The following GRK6 variants were observed in gnomAD, a reference collection of about 807,000 sequenced individuals.
GRK6 encodes G protein-coupled receptor kinase 6.
Under a neutral mutation model 80.8 loss-of-function variants are expected in GRK6, and 37 were observed. The observed-to-expected ratio is 0.46, with a 90% CI of 0.35 to 0.60. The LOEUF (loss-of-function observed/expected upper bound fraction) is 0.60, where lower values mean the gene tolerates loss of function less well. Ranked by LOEUF, GRK6 falls within the 20% of genes least tolerant of loss-of-function variation. The pLI, the probability that GRK6 is intolerant of heterozygous loss-of-function variation, is 0.00. For missense variants in GRK6, 560 were observed against 784.6 expected (o/e 0.71, Z 3.42); for synonymous variants, 295 against 320.9 (o/e 0.92, Z 0.86).
In GRK6 at chr5:177,441,843, C is replaced by T. The variant is rs1183056571; in HGVS notation, c.*53C>T. On this transcript the variant is annotated 3_prime_UTR_variant, in exon 16 of 16. Coordinates refer to ENST00000355472, the MANE Select transcript of GRK6 (RefSeq NM_001004106.3). ...TTGGCGGTAGCAGCTACTCCGAGCG[C>T]CGTTTACAGTTTTGCACAGTGATCT... The T allele has an allele frequency of 6.4e-7, 1 of 1,551,258 alleles. No individual in the cohort carries two copies. Among genetic ancestry groups the T allele is most frequent in the Non-Finnish European group, 8.9e-7 (1 of 1,125,336 alleles).
intron 13 of GRK6, among the ~76,000 whole-genome samples, chr5:177,437,552 A>T (rs1302742209): frequency 6.6e-6 from 1 of 152,152 alleles, no homozygotes; most frequent in African/African-American, 2.4e-5. Context: ...AGTATCCTCT[A>T]GTTGTCAGAG....
intron 15 of GRK6, 23 bp from the exon 16 acceptor site, chr5:177,441,714 C>A (rs1182301156): frequency 1.3e-6 from 2 of 1,591,276 alleles, no homozygotes; most frequent in East Asian, 2.2e-5. Flanking sequence ...CTCCCTCCCT[C>A]CGTGTCTTCC....
rs190078220 is a variant in GRK6, at chr5:177,432,226, C to G, written c.262-7C>G. On this transcript the variant is annotated splice_region_variant and splice_polypyrimidine_tract_variant and intron_variant, in intron 3 of 15. Coordinates refer to ENST00000355472, the MANE Select transcript of GRK6 (RefSeq NM_001004106.3). ...GACCTCCAGCTTCTTTGCTTTCCACCCTGCAGGCCGAGTATGAAGTGACCC... is the reference window on the plus strand; with the variant it reads ...GACCTCCAGCTTCTTTGCTTTCCACGCTGCAGGCCGAGTATGAAGTGACCC... 28 of 1,613,770 alleles carry G rather than the reference C, an allele frequency of 1.7e-5. No individual in the cohort carries two copies. Among genetic ancestry groups the G allele is most frequent in the Non-Finnish European group, 2.2e-5 (26 of 1,179,990 alleles).
Position 177,428,439 on chromosome 5 carries a change from CTTTT to C in GRK6, c.52+1547_52+1550del, listed in dbSNP as rs1268094399. Among the ~76,000 whole-genome samples, 1 of 152,066 alleles carries C rather than the reference CTTTT, an allele frequency of 6.6e-6. No homozygotes were observed. The highest frequency in any genetic ancestry group is 2.1e-4 in the South Asian group (1 of 4,832). On this transcript the variant is annotated intron_variant, in intron 1 of 15. Coordinates refer to ENST00000355472, the MANE Select transcript of GRK6 (RefSeq NM_001004106.3). This position sits in a 1 kb window ranked among gnomAD's most constrained non-coding sequence, Gnocchi z 4.1. ...GGCTCTGCCCCTCCCACCTGCATGG[CTTTT>C]TTTTGAGACAGAGTCTCACTGTGTC...
intron 15 of GRK6, 148 bp from the exon 16 acceptor site, chr5:177,441,589 C>A: frequency 1.3e-6 from 1 of 756,030 alleles, no homozygotes; most frequent in Non-Finnish European, 2.4e-6. Context: ...CTGCTCCAGG[C>A]TCCTTGTGGA....
At chr5:177,434,831 T>TG (rs1343763044) in intron 9 of GRK6, 71 bp from the exon 10 acceptor site, 34 of 1,572,588 alleles carry the variant, frequency 2.2e-5, no homozygotes, top group South Asian at 3.3e-5. Context: ...GCGAGTGAGC[T>TG]GGGGGGGCTG....
chr5:177,429,578 G>T lies in GRK6; in HGVS notation c.53-1294G>T, dbSNP rs1269762307. Among the ~76,000 whole-genome samples the T allele has an allele frequency of 1.3e-5, 2 of 152,164 alleles. No individual in the cohort carries two copies. The highest frequency in any genetic ancestry group is 4.8e-5 in the African/African-American group (2 of 41,440). On this transcript the variant is annotated intron_variant, in intron 1 of 15. Coordinates refer to ENST00000355472, the MANE Select transcript of GRK6 (RefSeq NM_001004106.3). The surrounding 1 kb of genome is among the most constrained non-coding windows in gnomAD (Gnocchi z 4.3). ...GGAGGCCTCTAGCAAGTTTCTCAATGGGCCCCTGCAGTACTTCCTTCTCCA... is the reference window on the plus strand; with the variant it reads ...GGAGGCCTCTAGCAAGTTTCTCAATTGGCCCCTGCAGTACTTCCTTCTCCA...
chr5:177,432,600 T>C, intron 4 of GRK6, 106 bp from the exon 5 acceptor site: 1 of 825,584 alleles, frequency 1.2e-6, no homozygotes, highest in Non-Finnish European at 1.9e-6. Flanking sequence ...CACCCTGGCC[T>C]GCAGCCTCTC....
Position 177,429,384 on chromosome 5 carries a change from G to C in GRK6, c.53-1488G>C, listed in dbSNP as rs183094333. ...GCTGCTGCCTTGATGTGGCTGGGAGGGGGGAGGAGGAAGTAACTGAGGGTG... is the reference window on the plus strand; with the variant it reads ...GCTGCTGCCTTGATGTGGCTGGGAGCGGGGAGGAGGAAGTAACTGAGGGTG... On this transcript the variant is annotated intron_variant, in intron 1 of 15. Transcript: ENST00000355472. This position sits in a 1 kb window ranked among gnomAD's most constrained non-coding sequence, Gnocchi z 4.3. Among the ~76,000 whole-genome samples the C allele has an allele frequency of 3.3e-5, 5 of 152,128 alleles. No individual in the cohort carries two copies. The highest frequency in any genetic ancestry group is 9.7e-5 in the African/African-American group (4 of 41,416).
At chr5:177,432,349 G>C in intron 4 of GRK6, 39 bp downstream of exon 4, 1 of 1,587,384 alleles carries the variant, frequency 6.3e-7, no homozygotes, top group Non-Finnish European at 8.6e-7. Context: ...GGAGCCACCA[G>C]AGCCCCGTGT....
chr5:177,428,079 A>C lies in GRK6; in HGVS notation c.52+1182A>C, dbSNP rs1352792880. 1.3e-5 allele frequency among the ~76,000 whole-genome samples: 2 copies of C among 152,184 alleles called. No homozygotes were observed. Among genetic ancestry groups the C allele is most frequent in the Admixed American group, 1.3e-4 (2 of 15,280 alleles). On this transcript the variant is annotated intron_variant, in intron 1 of 15. Transcript: ENST00000355472. The surrounding 1 kb of genome is among the most constrained non-coding windows in gnomAD (Gnocchi z 4.1). ...TGGCGAGGTGCAGCCCAGAAATGGCATGGCAGGCTGGGTCCTCATTGCCTG... is the reference window on the plus strand; with the variant it reads ...TGGCGAGGTGCAGCCCAGAAATGGCCTGGCAGGCTGGGTCCTCATTGCCTG...
rs750262249 is a variant in GRK6, at chr5:177,426,810, C to G, written c.-36C>G. ...GGCACTCGCGCGCGATCCCGGCCGG[C>G]GGCGCGGCCCGGCGGGCCAGGCGGC... On this transcript the variant is annotated 5_prime_UTR_variant, in exon 1 of 16. Transcript: ENST00000355472. 1 of 1,145,770 alleles carries G rather than the reference C, an allele frequency of 8.7e-7. No individual in the cohort carries two copies. The highest frequency in any genetic ancestry group is 4.0e-5 in the South Asian group (1 of 24,782). The allele number at this position is 1,145,770 out of a possible 1,614,324, so 71.0% of individuals were successfully genotyped here.
rs748162611 is a variant in GRK6 at position 177,441,758 on chromosome 5, G to C, written c.1699G>C (p.Asp567His). 6.2e-6 allele frequency: 10 copies of C among 1,612,820 alleles called. No individual in the cohort carries two copies. The highest frequency in any genetic ancestry group is 7.6e-6 in the Non-Finnish European group (9 of 1,179,500). Residue 567 changes from aspartate (D) to histidine (H), a missense_variant, in exon 16 of 16, where the codon GAC becomes CAC. This residue lies in a region of GRK6 where 294 missense variants were observed against 397.4 expected (regional missense o/e 0.74). Coordinates refer to ENST00000355472, the MANE Select transcript of GRK6 (RefSeq NM_001004106.3). Reference sequence around the variant, plus strand: ...CCAGGATTGCTGTGGAAACTGCAGCGACAGCGAGGAAGAGCTCCCCACCCG... The same window carrying C: ...CCAGGATTGCTGTGGAAACTGCAGCCACAGCGAGGAAGAGCTCCCCACCCG... ...SRQDCCGNCS[D>H]SEEELPTRL
At position 177,440,756 on chromosome 5, in the gene GRK6, G is replaced by A; in HGVS notation, c.1461G>A (p.Lys487=). The A allele has an allele frequency of 6.2e-7, 1 of 1,614,200 alleles. No homozygotes were observed. The highest frequency in any genetic ancestry group is 1.7e-5 in the Admixed American group (1 of 60,026). Residue 487 remains lysine (K), a synonymous_variant, in exon 14 of 16, where the codon AAG becomes AAA. Transcript: ENST00000355472. ...VLDIEQFSTV[K]GVELEPTDQD... is the part of the protein sequence containing the mutation. Reference sequence around the variant, plus strand: ...ACATTGAACAGTTCTCTACGGTCAAGGGCGTGGAGCTGGAGCCTACCGACC... The same window carrying A: ...ACATTGAACAGTTCTCTACGGTCAAAGGCGTGGAGCTGGAGCCTACCGACC...
Position 177,435,514 on chromosome 5 carries a change from T to A in GRK6, c.1057+393T>A, listed in dbSNP as rs534161360. Among the ~76,000 whole-genome samples, 11 of 152,154 alleles carry A rather than the reference T, an allele frequency of 7.2e-5. No homozygotes were observed. In the South Asian group the frequency reaches 2.3e-3, roughly 32 times the overall value. ...AGACCGAGAGACGCAGGAGGCAGAGTCCTGGCTCTGCAGGCTCCGCCTCTT... is the reference window on the plus strand; with the variant it reads ...AGACCGAGAGACGCAGGAGGCAGAGACCTGGCTCTGCAGGCTCCGCCTCTT... On this transcript the variant is annotated intron_variant, in intron 11 of 15. Transcript: ENST00000355472.
rs541451504 is a variant in GRK6 at position 177,441,388 on chromosome 5, C to G, written c.1677+335C>G. 5 of 1,056,296 alleles carry G rather than the reference C, an allele frequency of 4.7e-6. No homozygotes were observed. The East Asian group carries it at 7.8e-5, about 16-fold the overall frequency. The allele number at this position is 1,056,296 out of a possible 1,614,324, so 65.4% of individuals were successfully genotyped here. On this transcript the variant is annotated intron_variant, in intron 15 of 15. Coordinates refer to ENST00000355472, the MANE Select transcript of GRK6 (RefSeq NM_001004106.3). ...TCCCCCTGCCCACTGCTTTGATCCC[C>G]TGCACCCTGGCCCCTTCGAGCTGCC...
intron 1 of GRK6, among the ~76,000 whole-genome samples, 200 bp downstream of exon 1, chr5:177,427,097 C>CG (rs1241906925): frequency 6.6e-6 from 1 of 152,022 alleles, no homozygotes; most frequent in African/African-American, 2.4e-5. Context: ...CAGGAAGGGG[C>CG]GGGGGTCAGG....
chr5:177,426,983 G>A, intron 1 of GRK6, 86 bp downstream of exon 1: 1 of 881,984 alleles, frequency 1.1e-6, no homozygotes, highest in Non-Finnish European at 1.5e-6. Flanking sequence ...CCCAGCCGTC[G>A]GATCCCCTAG....
rs1422946263 is a variant in GRK6 at position 177,428,707 on chromosome 5, C to T, written c.52+1810C>T. On this transcript the variant is annotated intron_variant, in intron 1 of 15. Transcript: ENST00000355472. This position sits in a 1 kb window ranked among gnomAD's most constrained non-coding sequence, Gnocchi z 4.1. ...TGCTGGGATTATAGGCATGAGCCACCGCGCCTGGCCGACCTGCATGACTTT... is the reference window on the plus strand; with the variant it reads ...TGCTGGGATTATAGGCATGAGCCACTGCGCCTGGCCGACCTGCATGACTTT... Among the ~76,000 whole-genome samples the T allele has an allele frequency of 2.0e-5, 3 of 152,196 alleles. No individual in the cohort carries two copies. Among genetic ancestry groups the T allele is most frequent in the Admixed American group, 1.3e-4 (2 of 15,282 alleles).
Sources: gnomAD v4.1 joint callset for allele counts (sites outside exome capture counted in the v4.1 genomes callset) on GRCh38, gnomAD v4.1.1 for gene constraint, gnomAD v4.1.1 regional missense constraint, Gnocchi (gnomAD v3.1) non-coding constraint, MANE v1.5 for transcripts, NCBI Gene and HGNC (gene_info 2026-07-23, HGNC 2026-07-21) for gene names.